Variants in PANK2 observed in about 807,000 individuals in gnomAD.
PANK2 encodes the protein pantothenate kinase 2, mitochondrial.
Under a neutral mutation model 43.1 loss-of-function variants are expected in PANK2, and 36 were observed. That is an observed-to-expected ratio of 0.84 (90% CI 0.64 to 1.10). PANK2 has a LOEUF of 1.10. Among genes scored for constraint, PANK2 ranks in the 50% least tolerant of loss-of-function variants. The probability of loss-of-function intolerance (pLI) is 0.00; values close to 1 mark genes in which losing one functional copy is unlikely to be tolerated. For missense variants in PANK2, 576 were observed against 593.3 expected (o/e 0.97, Z 0.30); for synonymous variants, 281 against 238.2 (o/e 1.18, Z -1.66).
chr20:3,905,654 T>C (rs2090374047), intron 1 of PANK2, among the ~76,000 whole-genome samples: 2 of 149,792 alleles, frequency 1.3e-5, no homozygotes, highest in Non-Finnish European at 3.0e-5. Flanking sequence ...GCCTGCTATC[T>C]CTTCTTGTTT....
intron 1 of PANK2, among the ~76,000 whole-genome samples, chr20:3,890,458 T>G (rs2090104021): frequency 6.6e-6 from 1 of 152,202 alleles, no homozygotes; most frequent in South Asian, 2.1e-4. Context: ...TTTATTAGGT[T>G]TCTTTTTCTG....
Position 3,923,583 on chromosome 20 carries a change from C to T in PANK2, c.*289C>T, listed in dbSNP as rs565502130. ...GTATTTTTGAAATCTCTGCATCACT[C>T]ATTGGAAGTGCTTCTGAAGAGAGCT... On this transcript the variant is annotated 3_prime_UTR_variant, in exon 7 of 7. Transcript: ENST00000610179. 12 of 483,402 alleles carry T rather than the reference C, an allele frequency of 2.5e-5. No individual in the cohort carries two copies. Among genetic ancestry groups the T allele is most frequent in the African/African-American group, 1.6e-4 (8 of 51,462 alleles). 29.9% of individuals were successfully genotyped at this position (483,402 alleles called of 1,614,324 possible).
At chr20:3,894,761 T>G (rs1028178434) in intron 1 of PANK2, among the ~76,000 whole-genome samples, 1 of 152,018 alleles carries the variant, frequency 6.6e-6, no homozygotes, top group Non-Finnish European at 1.5e-5. Flanking sequence ...CAACTTTAAG[T>G]GGAACCAAAG....
At chr20:3,900,555 T>C (rs757141509) in intron 1 of PANK2, among the ~76,000 whole-genome samples, 1 of 151,960 alleles carries the variant, frequency 6.6e-6, no homozygotes, top group Non-Finnish European at 1.5e-5. Flanking sequence ...ATGGTGTGAC[T>C]CCATTGTGGG....
rs1432321343 is a variant in PANK2 at position 3,925,876 on chromosome 20, C to T, written c.*2582C>T. The T allele has an allele frequency of 6.6e-6, 1 of 152,424 alleles. No homozygotes were observed. The highest frequency in any genetic ancestry group is 1.5e-5 in the Non-Finnish European group (1 of 68,194). The allele number at this position is 152,424 out of a possible 1,614,324, so 9.4% of individuals were successfully genotyped here. ...CATCCTCATCCCAGCTTACTGCCGT[C>T]TCACCACCTTCAGGTTGTGAGGTGC... On this transcript the variant is annotated 3_prime_UTR_variant, in exon 7 of 7. Coordinates refer to ENST00000610179, the MANE Select transcript of PANK2 (RefSeq NM_001386393.1).
At position 3,909,639 on chromosome 20, in the gene PANK2, G is replaced by A. The variant is rs1209627363; in HGVS notation, c.652-938G>A. Among the ~76,000 whole-genome samples, 16 of 152,160 alleles carry A rather than the reference G, an allele frequency of 1.1e-4. No homozygotes were observed. The East Asian group carries it at 2.9e-3, about 28-fold the overall frequency. On this transcript the variant is annotated intron_variant, in intron 2 of 6. Transcript: ENST00000610179. The stretch of plus-strand genomic sequence containing the variant: ...GAGTCTCGCCCTGTCACCTAGGTTG[G>A]AGTGCAGTGGTGCCATCTCAGCTCA...
At chr20:3,889,356 G>A, upstream of PANK2, 1 of 1,582,272 alleles carries the variant, frequency 6.3e-7, no homozygotes, top group Non-Finnish European at 8.6e-7. Flanking sequence ...TTGGCGCAAC[G>A]GAAGAGGCGG....
rs568986992 is a variant in PANK2, at chr20:3,895,746, T to C, written c.298+6018T>C. 2.2e-4 allele frequency among the ~76,000 whole-genome samples: 34 copies of C among 152,278 alleles called. No individual in the cohort carries two copies. In the Middle Eastern group the frequency reaches 0.01, roughly 46 times the overall value. ...CTAAATTGCGGCTTAAAGTTTGCTT[T>C]CTAAAAATGAAACCCATCTCAGTTT... On this transcript the variant is annotated intron_variant, in intron 1 of 6. Coordinates refer to ENST00000610179, the MANE Select transcript of PANK2 (RefSeq NM_001386393.1).
chr20:3,917,594 A>G (rs769373683), intron 5 of PANK2: 1 of 511,856 alleles, frequency 2.0e-6, no homozygotes, highest in Admixed American at 2.0e-5. Flanking sequence ...CCTTGGGAAA[A>G]GAGGATCTAG....
At chr20:3,903,966 G>T (rs927024953) in intron 1 of PANK2, among the ~76,000 whole-genome samples, 1 of 151,598 alleles carries the variant, frequency 6.6e-6, no homozygotes, top group African/African-American at 2.4e-5. Context: ...TAGTACATAC[G>T]TACATACTTT....
intron 3 of PANK2, 114 bp downstream of exon 3, chr20:3,910,944 T>A (rs1294612075): frequency 1.3e-5 from 17 of 1,308,346 alleles, no homozygotes; most frequent in East Asian, 2.3e-5. Flanking sequence ...GTTTCTGGAT[T>A]ATGCAAACAA....
upstream of PANK2, chr20:3,889,087 G>C: frequency 6.5e-7 from 1 of 1,530,008 alleles, no homozygotes; most frequent in South Asian, 1.2e-5. Flanking sequence ...GTGGGGGGCG[G>C]AAGGAGGGGG....
At position 3,889,643 on chromosome 20, in the gene PANK2, C is replaced by T. The variant is rs1187818542; in HGVS notation, c.213C>T (p.Gly71=). Residue 71 remains glycine, a synonymous_variant, in exon 1 of 7, where the codon GGC becomes GGT. Transcript: ENST00000610179. ...CCGCGGTCGGGGCCTCGGCTGAGGG[C>T]ACGAGGCGGGATCGACTGGGCTCTT... is the stretch of plus-strand genomic sequence containing the variant. The T allele has an allele frequency of 3.2e-6, 5 of 1,580,392 alleles. No homozygotes were observed. The highest frequency in any genetic ancestry group is 4.3e-6 in the Non-Finnish European group (5 of 1,171,810).
intron 1 of PANK2, among the ~76,000 whole-genome samples, chr20:3,896,962 G>A (rs1332369510): frequency 6.6e-6 from 1 of 152,198 alleles, no homozygotes; most frequent in Non-Finnish European, 1.5e-5. Context: ...GGCCCAGATT[G>A]GCAACTGGTG....
At chr20:3,907,087 G>A (rs2090398820) in intron 1 of PANK2, among the ~76,000 whole-genome samples, 1 of 138,640 alleles carries the variant, frequency 7.2e-6, no homozygotes, top group Non-Finnish European at 1.5e-5. Flanking sequence ...GAGCCACCGT[G>A]CCCAGCCCTG....
intron 1 of PANK2, among the ~76,000 whole-genome samples, chr20:3,900,794 A>G (rs564080634): frequency 6.6e-5 from 10 of 151,898 alleles, no homozygotes; most frequent in Middle Eastern, 3.4e-3. Context: ...TTTGAGATGA[A>G]GTCTTGCTCT....
chr20:3,888,977 G>GATCATT, upstream of PANK2: 1 of 745,552 alleles, frequency 1.3e-6, no homozygotes, highest in Non-Finnish European at 2.1e-6. Context: ...TGCTGGGCTG[G>GATCATT]AGGAGGGCTC....
chr20:3,918,362 GT>G (rs71331080), intron 5 of PANK2, among the ~76,000 whole-genome samples: 11 of 150,956 alleles, frequency 7.3e-5, no homozygotes, highest in Non-Finnish European at 1.6e-4. Flanking sequence ...GAGTCATACT[GT>G]TTTTTTTTGT....
chr20:3,910,609 A>G lies in PANK2; in HGVS notation c.684A>G (p.Glu228=). The change falls in exon 3 of 7, where the codon GAA becomes GAG. Residue 228 remains glutamate (E), a synonymous_variant. Coordinates refer to ENST00000610179, the MANE Select transcript of PANK2 (RefSeq NM_001386393.1). ...ATCTTCAGCTTTGCAAACTGGATGA[A>G]CTAGATTGCTTGATCAAAGGAATTT... 1 of 1,614,024 alleles carries G rather than the reference A, an allele frequency of 6.2e-7. No individual in the cohort carries two copies. Among genetic ancestry groups the G allele is most frequent in the Non-Finnish European group, 8.5e-7 (1 of 1,179,936 alleles).
Sources: allele counts gnomAD v4.1 joint callset (sites outside exome capture counted in the v4.1 genomes callset), GRCh38; gene constraint gnomAD v4.1.1; transcripts MANE v1.5; gene names NCBI Gene and HGNC (gene_info 2026-07-23, HGNC 2026-07-21).